Variants in MAPK6 observed in about 807,000 individuals in gnomAD.
MAPK6 encodes the protein mitogen-activated protein kinase 6.
Under a neutral mutation model 59.3 loss-of-function variants are expected in MAPK6, and 19 were observed. The ratio of observed to expected loss-of-function variants is 0.32; its 90% CI spans 0.22 to 0.47. The LOEUF is 0.47. Ranked by LOEUF, MAPK6 falls within the 20% of genes least tolerant of loss-of-function variation. The probability of loss-of-function intolerance (pLI) is 1.00; values close to 1 mark genes in which losing one functional copy is unlikely to be tolerated. For synonymous variants in MAPK6, 316 were observed against 290.3 expected, an observed-to-expected ratio of 1.09 and a Z score of -0.90; for missense variants, 724 against 847.9, an observed-to-expected ratio of 0.85 and a Z score of 1.81.
At chr15:52,005,527 C>G in intron 3 of MAPK6, among the ~76,000 whole-genome samples, 1 of 130,388 alleles carries the variant, frequency 7.7e-6, no homozygotes, top group East Asian at 2.2e-4. Context: ...CATTCCATCT[C>G]AAAAAAAAAA....
At chr15:51,998,989 C>CT (rs34070476) in intron 2 of MAPK6, among the ~76,000 whole-genome samples, 3,443 of 138,916 alleles carry the variant, frequency 0.025, 98 homozygotes, top group East Asian at 0.09. Flanking sequence ...CGCGCCCGGC[C>CT]TTTTTTTTTT....
chr15:52,027,349 C>CAAAAAAA lies in MAPK6; in HGVS notation c.-632+7986_-632+7992dup, dbSNP rs71130120. The stretch of plus-strand genomic sequence containing the variant: ...TGGGTGACAGAGCGAGACTCCCTCT[C>CAAAAAAA]AAAAAAAAAAAAAAAAAAAGAAAAT... On this transcript the variant is annotated intron_variant, in intron 1 of 5. Coordinates refer to ENST00000261845, the MANE Select transcript of MAPK6 (RefSeq NM_002748.4). Among the ~76,000 whole-genome samples, 51 of 49,180 alleles carry CAAAAAAA rather than the reference C, an allele frequency of 1.0e-3. 14 individuals carry two copies. The highest frequency in any genetic ancestry group is 6.7e-3 in the East Asian group (9 of 1,336). The allele number at this position is 49,180 out of a possible 152,430, so 32.3% of individuals were successfully genotyped here.
Position 52,049,995 on chromosome 15 carries a change from T to C in MAPK6, c.558T>C (p.Gly186=), listed in dbSNP as rs766810969. The C allele has an allele frequency of 1.2e-6, 2 of 1,610,308 alleles. No homozygotes were observed. Among genetic ancestry groups the C allele is most frequent in the Non-Finnish European group, 1.7e-6 (2 of 1,178,278 alleles). ...TATGTTTTTTGTTTCTTTTATAGGG[T>C]CATCTTTCTGAAGGATTGGTTACTA... ...RIMDPHYSHK[G]HLSEGLVTKW... The change falls in exon 3 of 6, where the codon GGT becomes GGC. Residue 186 remains glycine (G), a splice_region_variant and synonymous_variant. Transcript: ENST00000261845.
chr15:52,066,775 T>C lies in MAPK6; in HGVS notation c.*1775T>C, dbSNP rs1363121444. On this transcript the variant is annotated 3_prime_UTR_variant, in exon 6 of 6. Transcript: ENST00000261845. ...CCATATATATACACGTGTGTGTGTGTGTGTGTGTGTGTGTGTGTATATATA... is the reference window on the plus strand; with the variant it reads ...CCATATATATACACGTGTGTGTGTGCGTGTGTGTGTGTGTGTGTATATATA... 2 of 106,360 alleles carry C rather than the reference T, an allele frequency of 1.9e-5. No homozygotes were observed. Among genetic ancestry groups the C allele is most frequent in the African/African-American group, 7.6e-5 (2 of 26,300 alleles). The allele number at this position is 106,360 out of a possible 1,614,324, so 6.6% of individuals were successfully genotyped here. A position where few individuals can be genotyped will look rare whatever the true frequency, so the allele number is the denominator to read the frequency against.
chr15:52,044,187 G>C (rs1284945531), intron 1 of MAPK6, among the ~76,000 whole-genome samples: 1 of 151,908 alleles, frequency 6.6e-6, no homozygotes, highest in East Asian at 1.9e-4. Context: ...TGGGGGGGCG[G>C]GCTAGGAGGG....
rs971442174 is a variant in MAPK6, at chr15:52,030,140, C to G, written c.-632+10764C>G. On this transcript the variant is annotated intron_variant, in intron 1 of 5. Coordinates refer to ENST00000261845, the MANE Select transcript of MAPK6 (RefSeq NM_002748.4). ...AGGTTTGTTCAATTTGTTGTTTCCT[C>G]TGTTAGGAATGCCCTTCTCCCATCT... is the stretch of plus-strand genomic sequence containing the variant. Among the ~76,000 whole-genome samples the G allele has an allele frequency of 2.0e-5, 3 of 152,198 alleles. No homozygotes were observed. In the South Asian group the frequency reaches 6.2e-4, roughly 32 times the overall value.
chr15:52,039,677 G>T (rs529898971), intron 1 of MAPK6, among the ~76,000 whole-genome samples: 41 of 151,732 alleles, frequency 2.7e-4, no homozygotes, highest in Non-Finnish European at 4.9e-4. Flanking sequence ...CACGACACCT[G>T]GCTAGTTTTT....
chr15:52,036,588 C>T (rs1595988840), intron 1 of MAPK6, among the ~76,000 whole-genome samples: 1 of 152,192 alleles, frequency 6.6e-6, no homozygotes, highest in East Asian at 1.9e-4. Flanking sequence ...CTTATTAGGC[C>T]CCACCTCCTA....
chr15:51,998,138 T>C (rs1432201486), intron 2 of MAPK6, among the ~76,000 whole-genome samples: 6 of 151,736 alleles, frequency 4.0e-5, no homozygotes, highest in Non-Finnish European at 7.4e-5. Context: ...GAGACGGGGT[T>C]TCACCATGTT....
intron 3 of MAPK6, among the ~76,000 whole-genome samples, chr15:52,012,021 T>C (rs1009876755): frequency 1.3e-5 from 2 of 152,190 alleles, no homozygotes; most frequent in African/African-American, 2.4e-5. Flanking sequence ...TCCAGTGATG[T>C]AGCATTCACT....
At chr15:52,035,197 C>T (rs2141883539) in intron 1 of MAPK6, among the ~76,000 whole-genome samples, 1 of 152,338 alleles carries the variant, frequency 6.6e-6, no homozygotes, top group Non-Finnish European at 1.5e-5. Context: ...TTTGAAGACT[C>T]AGAATGTCTC....
chr15:51,982,248 C>T (rs1438530182), intron 1 of MAPK6, among the ~76,000 whole-genome samples: 1 of 152,194 alleles, frequency 6.6e-6, no homozygotes, highest in East Asian at 1.9e-4. Flanking sequence ...TGTGAGAACA[C>T]AGCATAACTG....
chr15:51,999,181 A>G (rs2057235214), intron 2 of MAPK6, among the ~76,000 whole-genome samples: 1 of 151,640 alleles, frequency 6.6e-6, no homozygotes, highest in African/African-American at 2.4e-5. Flanking sequence ...TGTTTTTAGT[A>G]GAGACAGAGT....
intron 2 of MAPK6, among the ~76,000 whole-genome samples, chr15:51,988,407 A>T (rs1201109166): frequency 6.6e-6 from 1 of 152,168 alleles, no homozygotes; most frequent in African/African-American, 2.4e-5. Flanking sequence ...ATAAGCCACC[A>T]TAACAAATTA....
chr15:51,986,751 A>G (rs191911532), intron 2 of MAPK6, among the ~76,000 whole-genome samples: 2 of 152,148 alleles, frequency 1.3e-5, no homozygotes, highest in Admixed American at 6.6e-5. Flanking sequence ...GTTTTCATTT[A>G]TGTGGCCCAA....
chr15:52,001,641 T>C (rs559610114), intron 2 of MAPK6, among the ~76,000 whole-genome samples: 1 of 151,882 alleles, frequency 6.6e-6, no homozygotes, highest in South Asian at 2.1e-4. Flanking sequence ...CCTGAGTAGC[T>C]AGGACTACAG....
At chr15:51,976,957 A>C (rs2057159226) in intron 1 of MAPK6, among the ~76,000 whole-genome samples, 1 of 151,622 alleles carries the variant, frequency 6.6e-6, no homozygotes, top group African/African-American at 2.4e-5. Flanking sequence ...AAATAAATTA[A>C]TAAAATAAAA....
intron 1 of MAPK6, among the ~76,000 whole-genome samples, chr15:52,022,825 C>T (rs539121940): frequency 6.6e-6 from 1 of 152,066 alleles, no homozygotes; most frequent in South Asian, 2.1e-4. Context: ...TAAAAACAAA[C>T]TGAGGCCGGG....
Position 52,046,211 on chromosome 15 carries a change from CCTTT to C in MAPK6, c.-246_-243del, listed in dbSNP as rs1219409335. On this transcript the variant is annotated 5_prime_UTR_variant, in exon 2 of 6. An upstream open reading frame in the 5' UTR loses its in-frame stop. Coordinates refer to ENST00000261845, the MANE Select transcript of MAPK6 (RefSeq NM_002748.4). ...GTTAAATGTCTGCAGAGTTGCTGCC[CCTTT>C]CTTGAACTATGAGTACTGCAATCTT... 1 of 355,978 alleles carries C rather than the reference CCTTT, an allele frequency of 2.8e-6. No individual in the cohort carries two copies. The highest frequency in any genetic ancestry group is 2.1e-5 in the African/African-American group (1 of 47,264). 22.1% of individuals were successfully genotyped at this position (355,978 alleles called of 1,614,324 possible).
Sources: gnomAD v4.1 joint callset for allele counts (sites outside exome capture counted in the v4.1 genomes callset) on GRCh38, gnomAD v4.1.1 for gene constraint, MANE v1.5 for transcripts, NCBI Gene and HGNC (gene_info 2026-07-23, HGNC 2026-07-21) for gene names.